Variants in RIF1 observed in about 807,000 individuals in gnomAD.
The protein encoded by RIF1 is replication timing regulatory factor 1.
Under a neutral mutation model 247.1 loss-of-function variants are expected in RIF1, and 45 were observed. The observed-to-expected ratio is 0.18, with a 90% CI of 0.14 to 0.23. RIF1 has a LOEUF of 0.23. RIF1 is among the 10% of genes least tolerant of loss of function. The pLI, the probability that RIF1 is intolerant of heterozygous loss-of-function variation, is 1.00. For missense variants in RIF1, 2,967 were observed against 2,862.5 expected (o/e 1.04, Z -0.83); for synonymous variants, 1,087 against 978.8 (o/e 1.11, Z -2.06).
Position 151,463,590 on chromosome 2 carries a change from T to C in RIF1, c.4070T>C (p.Leu1357Pro). 5 of 1,613,774 alleles carry C rather than the reference T, an allele frequency of 3.1e-6. No individual in the cohort carries two copies. Among genetic ancestry groups the C allele is most frequent in the Non-Finnish European group, 4.2e-6 (5 of 1,179,952 alleles). The change falls in exon 30 of 36, where the codon CTT becomes CCT. Residue 1357 changes from leucine (L) to proline (P), a missense_variant. Around this residue, in one of 7 missense-constraint regions of RIF1, gnomAD observed 2,028 missense variants for 1,825.6 expected, o/e 1.11. Coordinates refer to ENST00000444746, the MANE Select transcript of RIF1 (RefSeq NM_018151.5). ...ESTMEHDNTK[L>P]KAATVENAVL... ...ACAATGGAGCATGACAATACAAAGC[T>C]TAAAGCAGCAACAGTGGAAAATGCT...
At position 151,409,949 on chromosome 2, in the gene RIF1, C is replaced by T. The variant is rs1685848701; in HGVS notation, c.-95C>T. ...GGAGCGCGCCGCACGCGTGAGTAAA[C>T]AGCCGGAGCTGGGAAAGTCGAGCTC... On this transcript the variant is annotated 5_prime_UTR_variant, in exon 1 of 36. Transcript: ENST00000444746. 1 of 701,462 alleles carries T rather than the reference C, an allele frequency of 1.4e-6. No homozygotes were observed. Among genetic ancestry groups the T allele is most frequent in the African/African-American group, 1.7e-5 (1 of 57,246 alleles). 43.5% of individuals were successfully genotyped at this position (701,462 alleles called of 1,614,324 possible).
chr2:151,508,824 G>T (rs901271714), downstream of RIF1, among the ~76,000 whole-genome samples: 10 of 152,244 alleles, frequency 6.6e-5, no homozygotes, highest in African/African-American at 1.9e-4. Context: ...TGGCTGGAGA[G>T]ACGTGTCCAT....
the RIF1 span, among the ~76,000 whole-genome samples, chr2:151,520,865 CAAAA>C: frequency 0.071 from 10,801 of 151,936 alleles, 1,256 homozygotes; most frequent in African/African-American, 0.25. Context: ...CCCTGTCTCA[CAAAA>C]TAAATAAGAG....
intron 14 of RIF1, 83 bp downstream of exon 14, chr2:151,438,829 T>A: frequency 1.1e-5 from 9 of 807,422 alleles, no homozygotes; most frequent in Admixed American, 2.0e-5. Flanking sequence ...GTGAATTGTT[T>A]GACTATATAA....
the RIF1 span, chr2:151,531,014 C>T: frequency 6.2e-7 from 1 of 1,613,066 alleles, no homozygotes; most frequent in Non-Finnish European, 8.5e-7. Context: ...TCATCTTTAA[C>T]CTTGCGGACA....
At chr2:151,431,271 A>T (rs544964480) in intron 9 of RIF1, among the ~76,000 whole-genome samples, 1 of 152,322 alleles carries the variant, frequency 6.6e-6, no homozygotes, top group East Asian at 1.9e-4. Flanking sequence ...AGACTTCTTC[A>T]CAGCTTACTC....
chr2:151,471,181 T>C (rs1195988854), intron 34 of RIF1, among the ~76,000 whole-genome samples: 1 of 152,210 alleles, frequency 6.6e-6, no homozygotes, highest in African/African-American at 2.4e-5. Context: ...TGTGAATGGC[T>C]TCTTTCACTT....
chr2:151,481,727 C>T lies in RIF1; in HGVS notation c.*6656C>T, dbSNP rs962491157. On this transcript the variant is annotated 3_prime_UTR_variant, in exon 36 of 36. Coordinates refer to ENST00000444746, the MANE Select transcript of RIF1 (RefSeq NM_018151.5). ...GTCAGTTTTATTTGATTGTGTAATGCTTTATACTAGGGGTCTCAAACCCCT... is the reference window on the plus strand; with the variant it reads ...GTCAGTTTTATTTGATTGTGTAATGTTTTATACTAGGGGTCTCAAACCCCT... 2.0e-5 allele frequency: 3 copies of T among 152,178 alleles called. No homozygotes were observed. The highest frequency in any genetic ancestry group is 4.4e-5 in the Non-Finnish European group (3 of 68,038). 9.4% of individuals were successfully genotyped at this position (152,178 alleles called of 1,614,324 possible). A position where few individuals can be genotyped will look rare whatever the true frequency, so the allele number is the denominator to read the frequency against.
chr2:151,438,888 A>G, intron 14 of RIF1, 142 bp downstream of exon 14: 1 of 574,062 alleles, frequency 1.7e-6, no homozygotes, highest in East Asian at 2.9e-5. Flanking sequence ...CCAGTTTTTA[A>G]TTTGTAGTTA....
chr2:151,523,315 T>C, the RIF1 span, among the ~76,000 whole-genome samples: 1 of 152,236 alleles, frequency 6.6e-6, no homozygotes, highest in Non-Finnish European at 1.5e-5. Context: ...ATCAGTCATC[T>C]GACCCTCTTG....
rs745615279 is a variant in RIF1, at chr2:151,492,472, C to T, written c.*416-2757C>T. ...GGCAGCTTTGCCTTGTATTTGTTTC[C>T]GGAAACTATCAGAATAAAGAACCTG... On this transcript the variant is annotated intron_variant and NMD_transcript_variant, in intron 9 of 13. Coordinates refer to the RIF1 transcript ENST00000454583. The T allele has an allele frequency of 6.8e-6, 11 of 1,612,990 alleles. No individual in the cohort carries two copies. The highest frequency in any genetic ancestry group is 1.1e-5 in the South Asian group (1 of 90,978).
chr2:151,467,891 A>C lies in RIF1; in HGVS notation c.6601-109A>C, dbSNP rs184241272. The C allele has an allele frequency of 3.2e-4, 341 of 1,070,178 alleles. 1 individual carries two copies. In the Admixed American group the frequency reaches 6.5e-3, roughly 21 times the overall value. The allele number at this position is 1,070,178 out of a possible 1,614,324, so 66.3% of individuals were successfully genotyped here. A position where few individuals can be genotyped will look rare whatever the true frequency, so the allele number is the denominator to read the frequency against. ...GTGCAGCTGACTTCTGGTGAAATAAATTTTCTAAACCCACATTCTATTTTT... is the reference window on the plus strand; with the variant it reads ...GTGCAGCTGACTTCTGGTGAAATAACTTTTCTAAACCCACATTCTATTTTT... On this transcript the variant is annotated intron_variant, in intron 30 of 35. Transcript: ENST00000444746.
At chr2:151,434,166 T>TG (rs1690695885) in intron 10 of RIF1, among the ~76,000 whole-genome samples, 1 of 108,624 alleles carries the variant, frequency 9.2e-6, no homozygotes, top group Non-Finnish European at 2.0e-5. Flanking sequence ...AGACTCCATC[T>TG]CAAAAAAAAA....
intron 20 of RIF1, among the ~76,000 whole-genome samples, chr2:151,449,311 C>G (rs575205407): frequency 1.3e-5 from 2 of 152,162 alleles, no homozygotes; most frequent in South Asian, 4.2e-4. Context: ...TATTGGAGTT[C>G]TCATTGTTCA....
chr2:151,459,131 A>T (rs1574103765), intron 25 of RIF1, among the ~76,000 whole-genome samples: 1 of 152,176 alleles, frequency 6.6e-6, no homozygotes, highest in Non-Finnish European at 1.5e-5. Flanking sequence ...GAACTCGGGT[A>T]CCTCATCTGT....
chr2:151,471,509 C>T (rs2048522601), intron 34 of RIF1, among the ~76,000 whole-genome samples: 1 of 152,166 alleles, frequency 6.6e-6, no homozygotes, highest in East Asian at 1.9e-4. Flanking sequence ...TTAGGTCTTA[C>T]AGTTAAATCT....
chr2:151,474,552 A>T (rs948620100), intron 35 of RIF1, among the ~76,000 whole-genome samples: 1 of 152,106 alleles, frequency 6.6e-6, no homozygotes, highest in Non-Finnish European at 1.5e-5. Context: ...GGTGCATGCC[A>T]GTAATCCCAG....
At chr2:151,531,990 G>A in the RIF1 span, 2 of 707,874 alleles carry the variant, frequency 2.8e-6, no homozygotes, top group South Asian at 1.9e-5. Context: ...GTGGGAGATG[G>A]TATCTAGCTT....
chr2:151,491,451 T>C (rs1461032622), intron 9 of RIF1: 1 of 367,860 alleles, frequency 2.7e-6, no homozygotes, highest in Admixed American at 3.9e-5. Context: ...AAATTAGAAA[T>C]GATAATAATG....
Sources: gnomAD v4.1 joint callset for allele counts (sites outside exome capture counted in the v4.1 genomes callset) on GRCh38, gnomAD v4.1.1 for gene constraint, gnomAD v4.1.1 regional missense constraint, MANE v1.5 for transcripts, NCBI Gene and HGNC (gene_info 2026-07-23, HGNC 2026-07-21) for gene names.